Variants in ST7L observed in about 807,000 individuals in gnomAD.
ST7L encodes the protein suppressor of tumorigenicity 7 protein-like.
In ST7L, 57 loss-of-function variants were observed where a neutral mutation model predicts 72.5. The ratio of observed to expected loss-of-function variants is 0.79; its 90% CI spans 0.64 to 0.98. The LOEUF is 0.98. Ranked by LOEUF, ST7L falls within the 50% of genes least tolerant of loss-of-function variation. The probability of loss-of-function intolerance (pLI) is 0.00; values close to 1 mark genes in which losing one functional copy is unlikely to be tolerated. For synonymous variants in ST7L, 221 were observed against 240.9 expected (o/e 0.92, Z 0.77); for missense variants, 576 against 672.2 (o/e 0.86, Z 1.58).
At chr1:112,618,752 C>T (rs988686868) in intron 1 of ST7L, 157 bp downstream of exon 1, 1 of 1,411,482 alleles carries the variant, frequency 7.1e-7, no homozygotes. Context: ...CAATCAACTG[C>T]AAGGTTGCAG....
chr1:112,558,832 A>G (rs1178712185), intron 11 of ST7L, among the ~76,000 whole-genome samples: 1 of 152,178 alleles, frequency 6.6e-6, no homozygotes. Context: ...ACACAGTAAA[A>G]GATCACTCGC....
rs756707779 is a variant in ST7L at position 112,582,453 on chromosome 1, C to T, written c.876G>A (p.Leu292=). The change falls in exon 8 of 15, where the codon CTG becomes CTA. Residue 292 remains leucine (L), a synonymous_variant. Coordinates refer to ENST00000358039, the MANE Select transcript of ST7L (RefSeq NM_017744.5). ...TTGCCAATCTTCTTTTAATATATAC[C>T]AGTACATTGGTATCTCTCCCTATTT... The part of the protein sequence containing the change: ...EAQLRRDTNV[L]VYIKRRLAMC... 1.2e-5 allele frequency: 20 copies of T among 1,604,266 alleles called. No individual in the cohort carries two copies. The highest frequency in any genetic ancestry group is 1.7e-4 in the Middle Eastern group (1 of 6,046).
intron 3 of ST7L, chr1:112,607,555 G>C (rs567306751): frequency 6.6e-6 from 1 of 152,152 alleles, no homozygotes; most frequent in South Asian, 2.1e-4. Flanking sequence ...AGCCAAGATC[G>C]CGACATTGCA....
chr1:112,540,451 T>A, intron 14 of ST7L: 1 of 985,464 alleles, frequency 1.0e-6, no homozygotes, highest in Non-Finnish European at 1.2e-6. Context: ...CACTAAGTGT[T>A]CATTTTACAC....
chr1:112,609,544 C>G (rs893509874), intron 3 of ST7L, among the ~76,000 whole-genome samples: 1 of 147,758 alleles, frequency 6.8e-6, no homozygotes, highest in East Asian at 2.0e-4. Flanking sequence ...AAAAAAAATG[C>G]TGGGTATGGT....
intron 6 of ST7L, among the ~76,000 whole-genome samples, chr1:112,586,693 C>T (rs1171410126): frequency 6.6e-6 from 1 of 152,058 alleles, no homozygotes; most frequent in African/African-American, 2.4e-5. Flanking sequence ...TATATGGATA[C>T]TAATTCAGGA....
chr1:112,533,801 G>T (rs1654765523), intron 14 of ST7L, among the ~76,000 whole-genome samples: 1 of 152,012 alleles, frequency 6.6e-6, no homozygotes, highest in Admixed American at 6.6e-5. Flanking sequence ...AACTACAGGG[G>T]TGCGCCACCA....
intron 9 of ST7L, among the ~76,000 whole-genome samples, chr1:112,579,112 TG>T (rs1316133531): frequency 6.6e-6 from 1 of 151,908 alleles, no homozygotes; most frequent in Non-Finnish European, 1.5e-5. Flanking sequence ...TGGACGGGCG[TG>T]GTGGCTCATG....
chr1:112,582,086 A>G lies in ST7L; in HGVS notation c.975T>C (p.Pro325=), dbSNP rs750703241. The change falls in exon 9 of 15, where the codon CCT becomes CCC. Residue 325 remains proline (P), a synonymous_variant. Coordinates refer to ENST00000358039, the MANE Select transcript of ST7L (RefSeq NM_017744.5). ...IMRDLMKEFP[P]LTMLNIHENL... Reference sequence around the variant, plus strand: ...TTTCATGGATGTTCAACATGGTAAGAGGAGGAAATTCTTTCATCAACTGTA... The same window carrying G: ...TTTCATGGATGTTCAACATGGTAAGGGGAGGAAATTCTTTCATCAACTGTA... 1.2e-5 allele frequency: 19 copies of G among 1,611,010 alleles called. No individual in the cohort carries two copies. The South Asian group carries it at 2.1e-4, about 18-fold the overall frequency.
At chr1:112,544,406 C>T (rs1656726056) in intron 13 of ST7L, among the ~76,000 whole-genome samples, 1 of 152,184 alleles carries the variant, frequency 6.6e-6, no homozygotes, top group Admixed American at 6.5e-5. Flanking sequence ...TGTCCAGAAC[C>T]TTGAGCCATG....
intron 11 of ST7L, among the ~76,000 whole-genome samples, chr1:112,562,386 A>G (rs1351001277): frequency 2.0e-5 from 3 of 152,152 alleles, no homozygotes; most frequent in Non-Finnish European, 4.4e-5. Context: ...ACATTAAATG[A>G]TAAGTAAGAC....
At chr1:112,520,164 C>G (rs1652787802), downstream of ST7L, 8 of 1,013,410 alleles carry the variant, frequency 7.9e-6, no homozygotes, top group Non-Finnish European at 1.2e-5. Flanking sequence ...GAGTGAGCCA[C>G]TGTGCCCAGC....
At chr1:112,581,617 C>T (rs2064711) in intron 9 of ST7L, among the ~76,000 whole-genome samples, 29,448 of 151,782 alleles carry the variant, frequency 0.19, 3,571 homozygotes, top group East Asian at 0.46. Flanking sequence ...GTTGCCCATG[C>T]TGGTCTCCAA....
chr1:112,593,367 T>C (rs1665978980), intron 5 of ST7L, among the ~76,000 whole-genome samples: 2 of 152,202 alleles, frequency 1.3e-5, no homozygotes, highest in African/African-American at 4.8e-5. Context: ...TAAGGGCTCT[T>C]AATATGCTGA....
intron 14 of ST7L, among the ~76,000 whole-genome samples, chr1:112,538,176 T>C (rs2101327398): frequency 6.6e-6 from 1 of 152,334 alleles, no homozygotes; most frequent in South Asian, 2.1e-4. Context: ...TTCACCAATT[T>C]CTACTTTATT....
At chr1:112,605,132 C>CTATAT (rs982792579) in intron 3 of ST7L, among the ~76,000 whole-genome samples, 3 of 150,460 alleles carry the variant, frequency 2.0e-5, no homozygotes, top group African/African-American at 7.3e-5. Context: ...TAGCTCACAC[C>CTATAT]TATAATCCCA....
chr1:112,586,100 C>T (rs1230761124), intron 6 of ST7L, among the ~76,000 whole-genome samples: 1 of 152,148 alleles, frequency 6.6e-6, no homozygotes, highest in Non-Finnish European at 1.5e-5. Flanking sequence ...ACACTAGATC[C>T]CTGTGAAGCA....
chr1:112,591,066 G>A (rs1665641189), intron 6 of ST7L, among the ~76,000 whole-genome samples: 1 of 151,872 alleles, frequency 6.6e-6, no homozygotes, highest in South Asian at 2.1e-4. Context: ...GAGTAGCTGG[G>A]ACTACAGGCG....
chr1:112,549,330 T>C (rs1440644454), intron 13 of ST7L, among the ~76,000 whole-genome samples: 1 of 151,764 alleles, frequency 6.6e-6, no homozygotes, highest in African/African-American at 2.4e-5. Context: ...GAGGCGGAGG[T>C]TGTAGTGAGC....
Sources: gnomAD v4.1 joint callset for allele counts (sites outside exome capture counted in the v4.1 genomes callset) on GRCh38, gnomAD v4.1.1 for gene constraint, MANE v1.5 for transcripts, NCBI Gene and HGNC (gene_info 2026-07-23, HGNC 2026-07-21) for gene names.